The following TBX3 variants were observed in gnomAD, a reference collection of about 807,000 sequenced individuals.
The protein encoded by TBX3 is T-box transcription factor TBX3.
A neutral mutation model predicts 47.8 loss-of-function variants in TBX3; 11 were observed. The observed-to-expected ratio is 0.23, with a 90% CI of 0.14 to 0.38. The LOEUF (loss-of-function observed/expected upper bound fraction) is 0.38. Ranked by LOEUF, TBX3 falls within the 10% of genes least tolerant of loss-of-function variation. TBX3 has a pLI of 1.00. For synonymous variants in TBX3, 500 were observed against 449.3 expected, an observed-to-expected ratio of 1.11 and a Z score of -1.43; for missense variants, 927 against 1,022.8, an observed-to-expected ratio of 0.91 and a Z score of 1.28.
chr12:114,682,956 C>G lies in TBX3; in HGVS notation c.245G>C (p.Gly82Ala). 4 of 1,614,134 alleles carry G rather than the reference C, an allele frequency of 2.5e-6. No individual in the cohort carries two copies. Among genetic ancestry groups the G allele is most frequent in the Non-Finnish European group, 3.4e-6 (4 of 1,180,026 alleles). Reference protein sequence around the residue: ...AETGIPFSSLGPQAHLRPLKT... With the variant: ...AETGIPFSSLAPQAHLRPLKT... ...CAAAGGCCTCAGATGCGCCTGGGGC[C>G]CCAGGGAGGAGAACGGGATGCCGGT... The change falls in exon 1 of 7, where the codon GGG (glycine) becomes GCG (alanine). Residue 82 changes from glycine to alanine, a missense_variant. Transcript: ENST00000349155.
chr12:114,680,030 C>T (rs560189484), intron 2 of TBX3: 303 of 1,576,892 alleles, frequency 1.9e-4, no homozygotes, highest in South Asian at 5.5e-4. Flanking sequence ...GTACTTTAAG[C>T]GCCCACTAAT....
intron 1 of TBX3, among the ~76,000 whole-genome samples, chr12:114,682,243 G>T (rs1021492942): frequency 1.3e-5 from 2 of 152,106 alleles, no homozygotes; most frequent in African/African-American, 4.8e-5. Flanking sequence ...CTCGCCCTTG[G>T]GTTACAGACA....
rs1256174160 is a variant in TBX3, at chr12:114,680,363, A to C, written c.657+516T>G. 3 of 297,742 alleles carry C rather than the reference A, an allele frequency of 1.0e-5. No homozygotes were observed. The East Asian group carries it at 2.5e-4, about 25-fold the overall frequency. 18.4% of individuals were successfully genotyped at this position (297,742 alleles called of 1,614,324 possible). A position where few individuals can be genotyped will look rare whatever the true frequency, so the allele number is the denominator to read the frequency against. On this transcript the variant is annotated intron_variant, in intron 2 of 6. Coordinates refer to ENST00000349155, the MANE Select transcript of TBX3 (RefSeq NM_005996.4). Reference sequence around the variant, plus strand: ...ACACACAAACCATTTTTTTCTGAAGATCTAAGCCTCATTTAGGGTAAGCCG... The same window carrying C: ...ACACACAAACCATTTTTTTCTGAAGCTCTAAGCCTCATTTAGGGTAAGCCG...
intron 3 of TBX3, 104 bp downstream of exon 3, chr12:114,679,401 G>T: frequency 6.6e-7 from 1 of 1,506,208 alleles, no homozygotes; most frequent in Non-Finnish European, 9.2e-7. Context: ...GACAACTCAA[G>T]ACTCTCGTCT....
At position 114,683,287 on chromosome 12, in the gene TBX3, G is replaced by A. The variant is rs1036772518; in HGVS notation, c.-87C>T. Reference sequence around the variant, plus strand: ...GTTTTTTTGTTGTTGTTTAACAGCAGCACATAATTCAAAAGGGGGGAAAAA... The same window carrying A: ...GTTTTTTTGTTGTTGTTTAACAGCAACACATAATTCAAAAGGGGGGAAAAA... On this transcript the variant is annotated 5_prime_UTR_variant, in exon 1 of 7. Coordinates refer to ENST00000349155, the MANE Select transcript of TBX3 (RefSeq NM_005996.4). This position sits in a 1 kb window ranked among gnomAD's most constrained non-coding sequence, Gnocchi z 7.7. 2 of 1,533,028 alleles carry A rather than the reference G, an allele frequency of 1.3e-6. No individual in the cohort carries two copies. Among genetic ancestry groups the A allele is most frequent in the Non-Finnish European group, 1.8e-6 (2 of 1,130,458 alleles). The allele number at this position is 1,533,028 out of a possible 1,614,324, so 95.0% of individuals were successfully genotyped here. A position where few individuals can be genotyped will look rare whatever the true frequency, so the allele number is the denominator to read the frequency against.
intron 1 of TBX3, 129 bp from the exon 2 acceptor site, chr12:114,681,275 G>A (rs1868915072): frequency 7.6e-7 from 1 of 1,313,310 alleles, no homozygotes; most frequent in African/African-American, 1.5e-5. Flanking sequence ...AAGCTTACAT[G>A]TTTCAGAGTG....
intron 3 of TBX3, 28 bp from the exon 4 acceptor site, chr12:114,677,684 A>T: frequency 6.2e-7 from 1 of 1,603,880 alleles, no homozygotes; most frequent in East Asian, 2.2e-5. Context: ...AGCAAGACAG[A>T]GACATTGTTC....
intron 4 of TBX3, 81 bp from the exon 5 acceptor site, chr12:114,676,551 C>T (rs78790354): frequency 7.7e-6 from 12 of 1,566,994 alleles, no homozygotes; most frequent in Non-Finnish European, 1.0e-5. Flanking sequence ...TCCAAAGCGG[C>T]ACACACATAC....
chr12:114,674,872 C>G, intron 5 of TBX3, 37 bp from the exon 6 acceptor site: 1 of 1,545,426 alleles, frequency 6.5e-7, no homozygotes, highest in Non-Finnish European at 8.7e-7. Context: ...GGCAGAAGGG[C>G]GTTATCTCCA....
chr12:114,681,104 A>G lies in TBX3; in HGVS notation c.432T>C (p.Asp144=). 6.2e-7 allele frequency: 1 copy of G among 1,614,164 alleles called. No individual in the cohort carries two copies. The highest frequency in any genetic ancestry group is 8.5e-7 in the Non-Finnish European group (1 of 1,180,028). ...TCAATAAAATGTATTTGGCTTTTTT[A>G]TCCAGCCCAGAACATCTCACTTTAA... ...PPFKVRCSGL[D]KKAKYILLMD... The change falls in exon 2 of 7, where the codon GAT becomes GAC. Residue 144 remains aspartate, a synonymous_variant. Coordinates refer to ENST00000349155, the MANE Select transcript of TBX3 (RefSeq NM_005996.4).
rs770418304 is a variant in TBX3, at chr12:114,683,075, G to A, written c.126C>T (p.Pro42=). 69 of 1,610,948 alleles carry A rather than the reference G, an allele frequency of 4.3e-5. No homozygotes were observed. In the Admixed American group the frequency reaches 9.8e-4, roughly 23 times the overall value. ...AVLGHQPPFF[P]ALTLPPNGAA... ...CGCCGTTGGGAGGCAGCGTCAGCGC[G>A]GGGAAGAACGGCGGCTGGTGACCCA... The change falls in exon 1 of 7, where the codon CCC becomes CCT. Residue 42 remains proline, a synonymous_variant. Coordinates refer to ENST00000349155, the MANE Select transcript of TBX3 (RefSeq NM_005996.4). The surrounding 1 kb of genome is among the most constrained non-coding windows in gnomAD (Gnocchi z 7.7).
chr12:114,681,613 C>T (rs1258562977), intron 1 of TBX3, among the ~76,000 whole-genome samples: 2 of 152,142 alleles, frequency 1.3e-5, no homozygotes, highest in Admixed American at 6.5e-5. Flanking sequence ...AGGAAATGAA[C>T]GTCAAGTTGC....
rs558666839 is a variant in TBX3, at chr12:114,676,185, G to T, written c.1039+128C>A. On this transcript the variant is annotated intron_variant, in intron 5 of 6. Transcript: ENST00000349155. ...TAGCCCTTTTTGAACTCTGGCTTCT[G>T]TTTAAGGATGTTTAGAAGGCTTCTA... 3,272 of 1,241,258 alleles carry T rather than the reference G, an allele frequency of 2.6e-3. 11 individuals are homozygous for T. Among genetic ancestry groups the T allele is most frequent in the South Asian group, 5.4e-3 (402 of 75,118 alleles). 76.9% of individuals were successfully genotyped at this position (1,241,258 alleles called of 1,614,324 possible).
chr12:114,683,323 AAAG>A lies in TBX3; in HGVS notation c.-126_-124del, dbSNP rs1869031444. On this transcript the variant is annotated 5_prime_UTR_variant, in exon 1 of 7. Coordinates refer to ENST00000349155, the MANE Select transcript of TBX3 (RefSeq NM_005996.4). The surrounding 1 kb of genome is among the most constrained non-coding windows in gnomAD (Gnocchi z 7.7). ...AAAAGGGGGGAAAAAGCAAAACAAA[AAAG>A]AAAGAAAAAAGAAAAGGAGGCAGAA... is the stretch of plus-strand genomic sequence containing the variant. 2.2e-6 allele frequency: 3 copies of A among 1,338,446 alleles called. No homozygotes were observed. In the East Asian group the frequency reaches 7.4e-5, roughly 33 times the overall value. The allele number at this position is 1,338,446 out of a possible 1,614,324, so 82.9% of individuals were successfully genotyped here. A position where few individuals can be genotyped will look rare whatever the true frequency, so the allele number is the denominator to read the frequency against.
chr12:114,673,962 G>A (rs1038057754), intron 6 of TBX3, among the ~76,000 whole-genome samples: 11 of 152,224 alleles, frequency 7.2e-5, no homozygotes, highest in Non-Finnish European at 1.2e-4. Flanking sequence ...TTTAACTTCG[G>A]AAAAATTTTA....
intron 5 of TBX3, 92 bp from the exon 6 acceptor site, chr12:114,674,927 C>A: frequency 6.7e-7 from 1 of 1,500,940 alleles, no homozygotes; most frequent in South Asian, 1.2e-5. Flanking sequence ...AATCCCAGCT[C>A]GTGGCTTAGT....
Position 114,676,344 on chromosome 12 carries a change from G to A in TBX3, c.1008C>T (p.Ala336=), listed in dbSNP as rs375068143. ...FNCFAQASSP[A]ASTVGTSNLK... is the part of the protein sequence containing the mutation. ...GGTTCGATGTCCCTACAGTGGAGGCGGCTGGAGAAGAAGCCTGGGCGAAGC... is the reference window on the plus strand; with the variant it reads ...GGTTCGATGTCCCTACAGTGGAGGCAGCTGGAGAAGAAGCCTGGGCGAAGC... Residue 336 remains alanine, a synonymous_variant, in exon 5 of 7, where the codon GCC becomes GCT. Transcript: ENST00000349155. 4.1e-5 allele frequency: 66 copies of A among 1,614,090 alleles called. No individual in the cohort carries two copies. The highest frequency in any genetic ancestry group is 5.1e-5 in the Non-Finnish European group (60 of 1,180,032).
rs866220131 is a variant in TBX3, at chr12:114,674,358, G to A, written c.1517C>T (p.Ala506Val). 6.4e-7 allele frequency: 1 copy of A among 1,556,252 alleles called. No homozygotes were observed. The highest frequency in any genetic ancestry group is 1.4e-5 in the African/African-American group (1 of 73,474). ...CATGCTGGAGAAGGCGCCCCCCATG[G>A]CAAACTGGCTGGGGTGCAGGAAGAG... ...HPLFLHPSQF[A>V]MGGAFSSMAA... Residue 506 changes from alanine to valine, a missense_variant, in exon 6 of 7, where the codon GCC (alanine) becomes GTC (valine). By Grantham distance (64) the Ala-to-Val change is moderately conservative. Around this residue, in one of 5 missense-constraint regions of TBX3, gnomAD observed 623 missense variants for 569.0 expected, o/e 1.09. Coordinates refer to ENST00000349155, the MANE Select transcript of TBX3 (RefSeq NM_005996.4).
At position 114,679,628 on chromosome 12, in the gene TBX3, T is replaced by C; in HGVS notation, c.681A>G (p.Lys227=). The C allele has an allele frequency of 6.2e-7, 1 of 1,614,126 alleles. No homozygotes were observed. The highest frequency in any genetic ancestry group is 8.5e-7 in the Non-Finnish European group (1 of 1,180,028). ...TTACAATGTGGAACCGGGGCTGGTA[T>C]TTGTGCATGGAGTTCAATATAGTCT... ...HGFTILNSMH[K]YQPRFHIVRA... The change falls in exon 3 of 7, where the codon AAA becomes AAG. Residue 227 remains lysine, a synonymous_variant. Coordinates refer to ENST00000349155, the MANE Select transcript of TBX3 (RefSeq NM_005996.4).
Sources: allele counts gnomAD v4.1 joint callset (sites outside exome capture counted in the v4.1 genomes callset), GRCh38; gene constraint gnomAD v4.1.1; regional missense constraint gnomAD v4.1.1; non-coding constraint Gnocchi (gnomAD v3.1); transcripts MANE v1.5; gene names NCBI Gene and HGNC (gene_info 2026-07-23, HGNC 2026-07-21).